The following PAWR variants were observed in gnomAD, a reference collection of about 807,000 sequenced individuals.
The protein encoded by PAWR is pro-apoptotic WT1 regulator.
A neutral mutation model predicts 32.0 loss-of-function variants in PAWR; 23 were observed. The ratio of observed to expected loss-of-function variants is 0.72; its 90% CI spans 0.52 to 1.02. The LOEUF (loss-of-function observed/expected upper bound fraction) is 1.02, where lower values mean the gene tolerates loss of function less well. Among genes scored for constraint, PAWR ranks in the 50% least tolerant of loss-of-function variants. The pLI, the probability that PAWR is intolerant of heterozygous loss-of-function variation, is 0.00. For missense variants in PAWR, 457 were observed against 437.7 expected (o/e 1.04, Z -0.39); for synonymous variants, 226 against 187.1 (o/e 1.21, Z -1.70).
intron 2 of PAWR, among the ~76,000 whole-genome samples, chr12:79,651,454 C>T (rs1876840676): frequency 1.3e-5 from 2 of 152,220 alleles, no homozygotes; most frequent in Non-Finnish European, 2.9e-5. Flanking sequence ...ACCAGATCTT[C>T]ATCTTCCGTA....
chr12:79,604,373 G>A, intron 4 of PAWR: 2 of 1,002,274 alleles, frequency 2.0e-6, no homozygotes, highest in Non-Finnish European at 2.4e-6. Context: ...ATCTTATGTA[G>A]AAACACCAGG....
At chr12:79,618,189 T>C (rs1361750185) in intron 3 of PAWR, among the ~76,000 whole-genome samples, 1 of 152,072 alleles carries the variant, frequency 6.6e-6, no homozygotes, top group Non-Finnish European at 1.5e-5. Context: ...AATGCAGTGG[T>C]GTGATCTCAG....
intron 2 of PAWR, among the ~76,000 whole-genome samples, chr12:79,675,505 T>C (rs543511850): frequency 1.1e-4 from 17 of 152,230 alleles, no homozygotes; most frequent in Non-Finnish European, 1.2e-4. Context: ...CAACAGTTGA[T>C]TGGATAAAGA....
intron 3 of PAWR, among the ~76,000 whole-genome samples, chr12:79,619,204 T>C (rs975784810): frequency 6.6e-6 from 1 of 152,188 alleles, no homozygotes; most frequent in African/African-American, 2.4e-5. Context: ...AATCATCCCT[T>C]TGTAAAATGT....
intron 2 of PAWR, among the ~76,000 whole-genome samples, chr12:79,669,561 G>A (rs955912373): frequency 1.3e-5 from 2 of 151,864 alleles, no homozygotes; most frequent in African/African-American, 2.4e-5. Flanking sequence ...TCCAACGAAA[G>A]CAACTCTAAC....
At chr12:79,633,555 A>C (rs374690523) in intron 2 of PAWR, among the ~76,000 whole-genome samples, 2 of 152,112 alleles carry the variant, frequency 1.3e-5, no homozygotes, top group South Asian at 2.1e-4. Flanking sequence ...AGCCCTTTAA[A>C]ACTATAAAAA....
At chr12:79,597,290 C>G (rs1184899865) in intron 4 of PAWR, among the ~76,000 whole-genome samples, 1 of 152,072 alleles carries the variant, frequency 6.6e-6, no homozygotes, top group African/African-American at 2.4e-5. Context: ...GTCTCAAACT[C>G]TTGGGCTCAA....
chr12:79,678,760 C>G (rs1455431255), intron 2 of PAWR, among the ~76,000 whole-genome samples: 1 of 152,202 alleles, frequency 6.6e-6, no homozygotes, highest in Admixed American at 6.5e-5. Flanking sequence ...CCCTGTTCCC[C>G]TCTTCACTTG....
At chr12:79,647,416 C>G (rs566291494) in intron 2 of PAWR, among the ~76,000 whole-genome samples, 1 of 152,218 alleles carries the variant, frequency 6.6e-6, no homozygotes, top group East Asian at 1.9e-4. Context: ...TGACATAAGA[C>G]AGGATGACCA....
intron 2 of PAWR, among the ~76,000 whole-genome samples, chr12:79,663,676 C>T (rs1877457104): frequency 6.6e-6 from 1 of 151,812 alleles, no homozygotes; most frequent in Non-Finnish European, 1.5e-5. Flanking sequence ...GGGACAATCA[C>T]TTGAGTGCGG....
At chr12:79,664,126 A>G (rs1877481675) in intron 2 of PAWR, among the ~76,000 whole-genome samples, 1 of 152,216 alleles carries the variant, frequency 6.6e-6, no homozygotes, top group African/African-American at 2.4e-5. Context: ...ATTATTTATC[A>G]CTATTCATAA....
At chr12:79,669,879 T>G (rs771253093) in intron 2 of PAWR, among the ~76,000 whole-genome samples, 1 of 152,120 alleles carries the variant, frequency 6.6e-6, no homozygotes, top group Non-Finnish European at 1.5e-5. Flanking sequence ...TTTTGTATTT[T>G]CAGTAGAGAT....
At chr12:79,628,562 A>G (rs927174803) in intron 2 of PAWR, among the ~76,000 whole-genome samples, 4 of 152,150 alleles carry the variant, frequency 2.6e-5, no homozygotes, top group Non-Finnish European at 5.9e-5. Flanking sequence ...TAAATGTAGT[A>G]AAATGTTTCA....
intron 4 of PAWR, among the ~76,000 whole-genome samples, chr12:79,607,352 T>C (rs1266528660): frequency 2.6e-5 from 4 of 152,182 alleles, no homozygotes; most frequent in Non-Finnish European, 2.9e-5. Context: ...GGGTCATATA[T>C]AGCCCAAGAA....
intron 2 of PAWR, among the ~76,000 whole-genome samples, chr12:79,658,422 G>A (rs975664620): frequency 2.0e-5 from 3 of 152,036 alleles, no homozygotes; most frequent in African/African-American, 7.2e-5. Context: ...TTTTTAGTGA[G>A]TAATAGGGGG....
intron 2 of PAWR, among the ~76,000 whole-genome samples, chr12:79,654,796 G>A (rs897534161): frequency 6.6e-6 from 1 of 152,066 alleles, no homozygotes; most frequent in Non-Finnish European, 1.5e-5. Context: ...TCACTATCAC[G>A]AGAACAACAC....
intron 2 of PAWR, among the ~76,000 whole-genome samples, chr12:79,629,979 G>A (rs1875528691): frequency 6.6e-6 from 1 of 151,532 alleles, no homozygotes; most frequent in Admixed American, 6.6e-5. Flanking sequence ...GAGCTTAGAA[G>A]AAAATTTATA....
chr12:79,602,770 ATTTTTTT>A (rs1037453130), intron 4 of PAWR, among the ~76,000 whole-genome samples: 3 of 139,390 alleles, frequency 2.2e-5, no homozygotes, highest in South Asian at 4.6e-4. Flanking sequence ...TACCTGGCTA[ATTTTTTT>A]TTTTTTTTTT....
chr12:79,653,722 G>A (rs1799174816), intron 2 of PAWR, among the ~76,000 whole-genome samples: 1 of 150,716 alleles, frequency 6.6e-6, no homozygotes, highest in Admixed American at 6.6e-5. Context: ...CAGGTGATCC[G>A]CCCGCCTCGG....
Sources: gnomAD v4.1 joint callset for allele counts (sites outside exome capture counted in the v4.1 genomes callset) on GRCh38, gnomAD v4.1.1 for gene constraint, MANE v1.5 for transcripts, NCBI Gene and HGNC (gene_info 2026-07-23, HGNC 2026-07-21) for gene names.